Variants in TNRC6A observed in about 807,000 individuals in gnomAD.
TNRC6A encodes the protein trinucleotide repeat containing adaptor 6A.
In TNRC6A, 44 loss-of-function variants were observed where a neutral mutation model predicts 221.2. That is an observed-to-expected ratio of 0.20 (90% CI 0.16 to 0.26). The LOEUF is 0.26. Ranked by LOEUF, TNRC6A falls within the 10% of genes least tolerant of loss-of-function variation. The pLI is 1.00. For missense variants in TNRC6A, 2,199 were observed against 2,404.4 expected (o/e 0.91, Z 1.79); for synonymous variants, 847 against 838.5 (o/e 1.01, Z -0.18).
In TNRC6A at chr16:24,750,790, AAG is replaced by A; in HGVS notation, c.120_121del (p.Lys41GlyfsTer9). On this transcript the variant is annotated frameshift_variant, in exon 3 of 25. Transcript: ENST00000395799. LOFTEE classifies it high-confidence loss of function. ...GAAAAAGAAAAAAGACGACAAGAAA[AAG>A]AAGGAAGCTGCTCAAAAGAAGGTAG... is the stretch of plus-strand genomic sequence containing the variant. ...EKKKKKDDKK[K>X]KEAAQKKATE... 1.9e-6 allele frequency: 3 copies of A among 1,566,910 alleles called. No individual in the cohort carries two copies. Among genetic ancestry groups the A allele is most frequent in the Non-Finnish European group, 2.6e-6 (3 of 1,159,612 alleles).
chr16:24,730,366 T>A (rs1206472652), intron 2 of TNRC6A, 66 bp downstream of exon 2: 2 of 1,551,038 alleles, frequency 1.3e-6, no homozygotes, highest in Non-Finnish European at 1.7e-6. Context: ...CGATTCGCCT[T>A]TTCTGGGTTG....
At position 24,805,620 on chromosome 16, in the gene TNRC6A, C is replaced by T. The variant is rs1432268148; in HGVS notation, c.4138C>T (p.Leu1380=). The change falls in exon 15 of 25, where the codon CTG becomes TTG. Residue 1380 remains leucine (L), a synonymous_variant. Transcript: ENST00000395799. ...LLSPQVPVSL[L]KYAPNNGGLN... ...TGATCCTAAGGTTCCAGTTTCATTG[C>T]TGAAGTATGCACCAAACAACGGTGG... 1.2e-6 allele frequency: 2 copies of T among 1,613,952 alleles called. No individual in the cohort carries two copies. Among genetic ancestry groups the T allele is most frequent in the African/African-American group, 2.7e-5 (2 of 74,926 alleles).
At chr16:24,663,623 A>G (rs2055081970) in intron 2 of TNRC6A, 1 of 182,026 alleles carries the variant, frequency 5.5e-6, no homozygotes, top group South Asian at 1.1e-4. Flanking sequence ...TCCAGGCAGG[A>G]GCTTGCAGCT....
At chr16:24,664,511 A>G (rs1343733710) in intron 2 of TNRC6A, among the ~76,000 whole-genome samples, 1 of 143,674 alleles carries the variant, frequency 7.0e-6, no homozygotes, top group East Asian at 2.0e-4. Flanking sequence ...AAATATAATA[A>G]TATATAATAA....
chr16:24,754,797 A>G (rs1017048149), intron 3 of TNRC6A, among the ~76,000 whole-genome samples: 1 of 152,216 alleles, frequency 6.6e-6, no homozygotes, highest in East Asian at 1.9e-4. Context: ...GGGAAGCAAC[A>G]ATACAAGTTG....
chr16:24,739,397 C>T (rs1384357324), intron 2 of TNRC6A, among the ~76,000 whole-genome samples: 1 of 149,680 alleles, frequency 6.7e-6, no homozygotes, highest in African/African-American at 2.5e-5. Flanking sequence ...TGAAAAAGGT[C>T]TTTATATAGC....
intron 2 of TNRC6A, chr16:24,663,050 T>A (rs2055068443): frequency 6.5e-6 from 1 of 153,720 alleles, no homozygotes; most frequent in Non-Finnish European, 1.5e-5. Flanking sequence ...GATCTCAGTG[T>A]GTTCAGAACT....
chr16:24,639,947 GCA>G (rs1901849944), intron 1 of TNRC6A, among the ~76,000 whole-genome samples: 1 of 152,146 alleles, frequency 6.6e-6, no homozygotes. Context: ...ATAAGCCATG[GCA>G]CTTGGCCCAG....
chr16:24,747,654 CT>C (rs1487225609), intron 2 of TNRC6A, among the ~76,000 whole-genome samples: 1 of 152,230 alleles, frequency 6.6e-6, no homozygotes, highest in East Asian at 1.9e-4. Flanking sequence ...TTCCAGTTGG[CT>C]TTCTCTGAAG....
At chr16:24,634,425 G>A (rs555071450) in intron 1 of TNRC6A, among the ~76,000 whole-genome samples, 1 of 152,192 alleles carries the variant, frequency 6.6e-6, no homozygotes, top group East Asian at 1.9e-4. Context: ...GAGAGACCCT[G>A]TCTCAGATAA....
intron 2 of TNRC6A, among the ~76,000 whole-genome samples, chr16:24,685,323 A>G (rs1477855963): frequency 1.3e-5 from 2 of 152,054 alleles, no homozygotes; most frequent in Admixed American, 6.6e-5. Context: ...ACCCAAGGTC[A>G]TATTGTATTC....
intron 7 of TNRC6A, among the ~76,000 whole-genome samples, chr16:24,794,148 T>G (rs963334744): frequency 2.6e-5 from 4 of 152,222 alleles, no homozygotes; most frequent in African/African-American, 4.8e-5. Context: ...TGCTTTCTGC[T>G]TAAGGCTTTG....
In TNRC6A at chr16:24,823,347, G is replaced by A. The variant is rs2058806450; in HGVS notation, c.5514-85G>A. 21 of 1,492,000 alleles carry A rather than the reference G, an allele frequency of 1.4e-5. No individual in the cohort carries two copies. In the South Asian group the frequency reaches 2.5e-4, roughly 18 times the overall value. 92.4% of individuals were successfully genotyped at this position (1,492,000 alleles called of 1,614,324 possible). A position where few individuals can be genotyped will look rare whatever the true frequency, so the allele number is the denominator to read the frequency against. On this transcript the variant is annotated intron_variant, in intron 24 of 24. Coordinates refer to ENST00000395799, the MANE Select transcript of TNRC6A (RefSeq NM_014494.4). The surrounding 1 kb of genome is among the most constrained non-coding windows in gnomAD (Gnocchi z 4.3). ...TGTGCCTTCTGTGGCTTTTCTAGCAGAGACAAGTTGCACCCTCACTTGTGA... is the reference window on the plus strand; with the variant it reads ...TGTGCCTTCTGTGGCTTTTCTAGCAAAGACAAGTTGCACCCTCACTTGTGA...
chr16:24,682,840 A>G (rs1287468722), intron 2 of TNRC6A, among the ~76,000 whole-genome samples: 1 of 152,210 alleles, frequency 6.6e-6, no homozygotes, highest in Non-Finnish European at 1.5e-5. Flanking sequence ...GGAAGCCAGA[A>G]GACAAGGGAG....
intron 2 of TNRC6A, among the ~76,000 whole-genome samples, chr16:24,660,739 C>CTTTTTTTTTT (rs58299677): frequency 9.2e-4 from 84 of 91,286 alleles, no homozygotes; most frequent in Non-Finnish European, 1.2e-3. Flanking sequence ...TTTTTTTTTT[C>CTTTTTTTTTT]TTTTTTTTTT....
At chr16:24,663,143 CGG>C (rs916838565) in intron 2 of TNRC6A, 1 of 153,824 alleles carries the variant, frequency 6.5e-6, no homozygotes, top group Non-Finnish European at 1.5e-5. Flanking sequence ...GAAGATGTGT[CGG>C]GGAGTCCCCA....
intron 4 of TNRC6A, among the ~76,000 whole-genome samples, chr16:24,769,287 ATTG>A (rs1169834790): frequency 1.3e-5 from 2 of 152,156 alleles, no homozygotes; most frequent in East Asian, 3.8e-4. Flanking sequence ...GGTGCATTTC[ATTG>A]TTTCACAAAG....
chr16:24,740,361 G>C lies in TNRC6A; in HGVS notation c.53+10061G>C, dbSNP rs916426075. Among the ~76,000 whole-genome samples the C allele has an allele frequency of 2.0e-5, 3 of 152,302 alleles. No individual in the cohort carries two copies. In the South Asian group the frequency reaches 6.2e-4, roughly 32 times the overall value. On this transcript the variant is annotated intron_variant, in intron 2 of 24. Transcript: ENST00000395799. Reference sequence around the variant, plus strand: ...TCAGCAAAAAGGCAGCTGAGATTTTGATAGGAACAGTGTTGAATATGTAGG... The same window carrying C: ...TCAGCAAAAAGGCAGCTGAGATTTTCATAGGAACAGTGTTGAATATGTAGG...
chr16:24,785,494 A>G (rs534122899), intron 5 of TNRC6A, among the ~76,000 whole-genome samples: 2 of 152,318 alleles, frequency 1.3e-5, no homozygotes, highest in African/African-American at 2.4e-5. Flanking sequence ...TTTCCCATCA[A>G]CATTTTCTCC....
Sources: gnomAD v4.1 joint callset for allele counts (sites outside exome capture counted in the v4.1 genomes callset) on GRCh38, gnomAD v4.1.1 for gene constraint, Gnocchi (gnomAD v3.1) non-coding constraint, MANE v1.5 for transcripts, NCBI Gene and HGNC (gene_info 2026-07-23, HGNC 2026-07-21) for gene names.